AKAP19: variants seen among roughly 807,000 people sequenced by gnomAD.
AKAP19 encodes A-kinase anchoring protein 19, also known as small A-kinase anchoring protein.
chr2:189,998,517 A>G, the AKAP19 span, among the ~76,000 whole-genome samples: 1 of 152,178 alleles, frequency 6.6e-6, no homozygotes, highest in African/African-American at 2.4e-5. Context: ...GAATTTGCCC[A>G]TTTCATAAAA....
At chr2:190,153,861 A>G in the AKAP19 span, among the ~76,000 whole-genome samples, 1 of 152,148 alleles carries the variant, frequency 6.6e-6, no homozygotes, top group African/African-American at 2.4e-5. Context: ...TTTGCAGTCT[A>G]TAAGGCTTTA....
the AKAP19 span, among the ~76,000 whole-genome samples, chr2:190,118,896 G>C: frequency 6.6e-6 from 1 of 152,072 alleles, no homozygotes; most frequent in African/African-American, 2.4e-5. Flanking sequence ...AGAAATAAAG[G>C]GTATTCAATT....
At chr2:189,919,385 A>G in the AKAP19 span, among the ~76,000 whole-genome samples, 2 of 152,084 alleles carry the variant, frequency 1.3e-5, no homozygotes, top group African/African-American at 4.8e-5. Context: ...TAAATAGTTA[A>G]TGGTTAATTT....
the AKAP19 span, among the ~76,000 whole-genome samples, chr2:190,124,574 G>C: frequency 1.3e-5 from 2 of 151,878 alleles, no homozygotes; most frequent in Non-Finnish European, 2.9e-5. Context: ...GCCAGGCATG[G>C]TCATGCACAC....
At chr2:190,145,746 T>C in the AKAP19 span, among the ~76,000 whole-genome samples, 3 of 151,964 alleles carry the variant, frequency 2.0e-5, no homozygotes, top group Non-Finnish European at 2.9e-5. Flanking sequence ...AATCTCCTAA[T>C]AATACATTTC....
chr2:190,171,895 G>A, the AKAP19 span, among the ~76,000 whole-genome samples: 1 of 152,058 alleles, frequency 6.6e-6, no homozygotes, highest in Non-Finnish European at 1.5e-5. Context: ...TGGCATGATT[G>A]GTTCATGCCA....
At chr2:189,944,493 G>A in the AKAP19 span, among the ~76,000 whole-genome samples, 6 of 151,940 alleles carry the variant, frequency 3.9e-5, no homozygotes, top group Admixed American at 1.3e-4. Flanking sequence ...ATCCCACCTC[G>A]GGTATTTCTT....
chr2:189,978,500 A>G, the AKAP19 span, among the ~76,000 whole-genome samples: 2 of 152,298 alleles, frequency 1.3e-5, no homozygotes, highest in East Asian at 3.9e-4. Flanking sequence ...GCATGCTTGT[A>G]GTCCCAGCTA....
chr2:189,962,122 T>C, the AKAP19 span, among the ~76,000 whole-genome samples: 10 of 152,272 alleles, frequency 6.6e-5, no homozygotes, highest in African/African-American at 2.4e-4. Flanking sequence ...AGAGGTTCCA[T>C]AAGATTATAA....
At chr2:190,091,971 C>A in the AKAP19 span, among the ~76,000 whole-genome samples, 1 of 152,024 alleles carries the variant, frequency 6.6e-6, no homozygotes, top group African/African-American at 2.4e-5. Flanking sequence ...TGACTGACTA[C>A]AATATCTTCC....
At chr2:190,126,451 GA>G in the AKAP19 span, among the ~76,000 whole-genome samples, 1 of 151,448 alleles carries the variant, frequency 6.6e-6, no homozygotes, top group African/African-American at 2.4e-5. Context: ...TCCTTGAGAA[GA>G]AAAAAAGCTT....
At chr2:190,141,242 T>A in the AKAP19 span, among the ~76,000 whole-genome samples, 1 of 152,182 alleles carries the variant, frequency 6.6e-6, no homozygotes, top group Non-Finnish European at 1.5e-5. Context: ...TATTTTCCTG[T>A]CTTCTTTGGA....
chr2:189,991,714 A>G, the AKAP19 span, among the ~76,000 whole-genome samples: 3,093 of 152,152 alleles, frequency 0.02, 70 homozygotes, highest in Non-Finnish European at 0.029. Context: ...GGTCCCATCT[A>G]TTTATCTTTG....
chr2:190,047,650 A>T, the AKAP19 span, among the ~76,000 whole-genome samples: 1 of 152,242 alleles, frequency 6.6e-6, no homozygotes, highest in Non-Finnish European at 1.5e-5. Context: ...GTGAAGTCTG[A>T]TAGAACACAA....
At chr2:189,902,159 A>T in the AKAP19 span, among the ~76,000 whole-genome samples, 1 of 151,996 alleles carries the variant, frequency 6.6e-6, no homozygotes, top group Non-Finnish European at 1.5e-5. Flanking sequence ...GAAGACTAGG[A>T]GATTATATTC....
the AKAP19 span, among the ~76,000 whole-genome samples, chr2:190,099,787 AC>A: frequency 5.1e-3 from 779 of 152,302 alleles, 13 homozygotes; most frequent in African/African-American, 0.018. Flanking sequence ...ATTTTTTGAA[AC>A]TTTTCTCAGA....
chr2:189,973,175 G>C, the AKAP19 span, among the ~76,000 whole-genome samples: 2 of 152,116 alleles, frequency 1.3e-5, no homozygotes, highest in African/African-American at 4.8e-5. Context: ...CTAATTTATT[G>C]AGAGTTTTTA....
At chr2:190,100,526 A>G in the AKAP19 span, among the ~76,000 whole-genome samples, 3 of 152,246 alleles carry the variant, frequency 2.0e-5, no homozygotes, top group East Asian at 5.8e-4. Context: ...ATCATACCAT[A>G]AAACAAATAA....
chr2:190,063,113 A>G, the AKAP19 span, among the ~76,000 whole-genome samples: 1 of 152,126 alleles, frequency 6.6e-6, no homozygotes. Context: ...AAATGATTTT[A>G]TATTGTTTAG....
Sources: allele counts gnomAD v4.1 joint callset (sites outside exome capture counted in the v4.1 genomes callset), GRCh38; gene constraint gnomAD v4.1.1; transcripts MANE v1.5; gene names NCBI Gene and HGNC (gene_info 2026-07-23, HGNC 2026-07-21).